The following NOD2 variants were observed in gnomAD, a reference collection of about 807,000 sequenced individuals.
NOD2 encodes the protein nucleotide binding oligomerization domain containing 2.
In NOD2, 86 loss-of-function variants were observed where a neutral mutation model predicts 90.9. The ratio of observed to expected loss-of-function variants is 0.95; its 90% CI spans 0.79 to 1.13. The LOEUF is 1.13. NOD2 is among the 50% of genes most tolerant of loss of function. The pLI is 0.00. For synonymous variants in NOD2, 581 were observed against 554.6 expected (o/e 1.05, Z -0.67); for missense variants, 1,238 against 1,283.8 (o/e 0.96, Z 0.55).
intron 3 of NOD2, among the ~76,000 whole-genome samples, chr16:50,708,191 T>C (rs1964289390): frequency 6.6e-6 from 1 of 152,206 alleles, no homozygotes; most frequent in African/African-American, 2.4e-5. Context: ...TCCCACACAG[T>C]ATACTGACAA....
At chr16:50,710,492 A>G in intron 3 of NOD2, 66 bp from the exon 4 acceptor site, 1 of 1,609,496 alleles carries the variant, frequency 6.2e-7, no homozygotes, top group Non-Finnish European at 8.5e-7. Flanking sequence ...GCAGCAGCCC[A>G]TTGTCTGGTT....
chr16:50,723,353 C>T lies in NOD2; in HGVS notation c.2770C>T (p.Leu924=). The part of the protein sequence containing the change: ...SVGAQALALM[L]AKNVMLEELC... ...GGGTGCCCAAGCCTTGGCACTGATG[C>T]TGGCAAAGAACGTCATGCTAGAAGA... The change falls in exon 9 of 12, where the codon CTG becomes TTG. Residue 924 remains leucine (L), a synonymous_variant. Coordinates refer to ENST00000647318, the MANE Select transcript of NOD2 (RefSeq NM_001370466.1). 3.2e-5 allele frequency: 51 copies of T among 1,613,908 alleles called. No individual in the cohort carries two copies. Among genetic ancestry groups the T allele is most frequent in the Non-Finnish European group, 4.2e-5 (50 of 1,179,922 alleles).
At chr16:50,720,923 G>A (rs1367954195) in intron 7 of NOD2, among the ~76,000 whole-genome samples, 1 of 152,160 alleles carries the variant, frequency 6.6e-6, no homozygotes, top group Non-Finnish European at 1.5e-5. Flanking sequence ...ACCTGCCTCA[G>A]CTTCTCAAGT....
intron 11 of NOD2, among the ~76,000 whole-genome samples, chr16:50,730,553 G>A (rs1015596953): frequency 6.6e-6 from 1 of 152,210 alleles, no homozygotes; most frequent in African/African-American, 2.4e-5. Context: ...TGTGCTGTAA[G>A]TGAATGCTAC....
Position 50,711,922 on chromosome 16 carries a change from C to A in NOD2, c.1930C>A (p.Leu644Ile). 1.2e-6 allele frequency: 2 copies of A among 1,611,032 alleles called. No individual in the cohort carries two copies. The highest frequency in any genetic ancestry group is 1.7e-6 in the Non-Finnish European group (2 of 1,177,914). Residue 644 changes from leucine to isoleucine, a missense_variant, in exon 4 of 12, where the codon CTT becomes ATT. Physicochemically the swap from Leu to Ile is conservative, Grantham distance 5. Around this residue, in one of 3 missense-constraint regions of NOD2, gnomAD observed 667 missense variants for 688.7 expected, o/e 0.97. Coordinates refer to ENST00000647318, the MANE Select transcript of NOD2 (RefSeq NM_001370466.1). ...ALLQKAEPHNLQITAAFLAGL... is the reference protein window; with the variant it reads ...ALLQKAEPHNIQITAAFLAGL... ...GCTGCAGAAGGCCGAGCCGCACAAC[C>A]TTCAGATCACAGCAGCCTTCCTGGC...
Position 50,712,115 on chromosome 16 carries a change from C to T in NOD2, c.2123C>T (p.Ala708Val), listed in dbSNP as rs139097081. 8 of 1,614,006 alleles carry T rather than the reference C, an allele frequency of 5.0e-6. No individual in the cohort carries two copies. Among genetic ancestry groups the T allele is most frequent in the Non-Finnish European group, 5.1e-6 (6 of 1,180,034 alleles). Reference sequence around the variant, plus strand: ...CCGGGTGAGGCCAAGAGCGTGCATGCCATGCCCGGGTTCATCTGGCTCATC... The same window carrying T: ...CCGGGTGAGGCCAAGAGCGTGCATGTCATGCCCGGGTTCATCTGGCTCATC... The part of the protein sequence containing the change: ...AAPGEAKSVH[A>V]MPGFIWLIRS... Residue 708 changes from alanine to valine, a missense_variant, in exon 4 of 12, where the codon GCC (alanine) becomes GTC (valine). Transcript: ENST00000647318.
chr16:50,726,974 C>G (rs1891614309), intron 10 of NOD2, among the ~76,000 whole-genome samples: 1 of 151,904 alleles, frequency 6.6e-6, no homozygotes, highest in South Asian at 2.1e-4. Context: ...AACCCCATCT[C>G]TACTAAAAAT....
intron 1 of NOD2, among the ~76,000 whole-genome samples, chr16:50,695,802 T>C (rs1308741580): frequency 2.0e-5 from 3 of 151,584 alleles, no homozygotes; most frequent in Non-Finnish European, 2.9e-5. Flanking sequence ...GGGCTGAGGA[T>C]TGAGCAATGG....
Position 50,711,345 on chromosome 16 carries a change from C to T in NOD2, c.1353C>T (p.Ala451=), listed in dbSNP as rs1396599908. The change falls in exon 4 of 12, where the codon GCC becomes GCT. Residue 451 remains alanine, a synonymous_variant. Transcript: ENST00000647318. ...TCCGCCTGCTCCAAGAGACCTCAGC[C>T]CTGCACGGTTTGTGCCACCTGCCTG... is the stretch of plus-strand genomic sequence containing the variant. The part of the protein sequence containing the change: ...RLIRLLQETS[A]LHGLCHLPVF... The T allele has an allele frequency of 6.2e-7, 1 of 1,613,652 alleles. No individual in the cohort carries two copies. Among genetic ancestry groups the T allele is most frequent in the Non-Finnish European group, 8.5e-7 (1 of 1,180,046 alleles).
Position 50,705,663 on chromosome 16 carries a change from G to A in NOD2, c.460-2192G>A, listed in dbSNP as rs562013240. Among the ~76,000 whole-genome samples the A allele has an allele frequency of 7.9e-5, 12 of 152,252 alleles. No homozygotes were observed. The South Asian group carries it at 8.3e-4, about 11-fold the overall frequency. ...TGTTTTAGTCATTTCCTTCAGTTCC[G>A]GAGGTCCCTCATGCTGATCATTCCA... On this transcript the variant is annotated intron_variant, in intron 2 of 11. Coordinates refer to ENST00000647318, the MANE Select transcript of NOD2 (RefSeq NM_001370466.1).
chr16:50,712,214 A>C lies in NOD2; in HGVS notation c.2222A>C (p.Lys741Thr). The C allele has an allele frequency of 6.2e-7, 1 of 1,613,946 alleles. No homozygotes were observed. ...CGTGGCCTGAATGTTGGGCACCTCA[A>C]GTTGACATTTTGCAGTGTGGGCCCC... ...AARGLNVGHL[K>T]LTFCSVGPTE... The change falls in exon 4 of 12, where the codon AAG becomes ACG. Residue 741 changes from lysine to threonine, a missense_variant. Lys to Thr is a moderately conservative substitution (Grantham distance 78). Around this residue, in one of 3 missense-constraint regions of NOD2, gnomAD observed 667 missense variants for 688.7 expected, o/e 0.97. Coordinates refer to ENST00000647318, the MANE Select transcript of NOD2 (RefSeq NM_001370466.1).
intron 10 of NOD2, 152 bp downstream of exon 10, chr16:50,725,724 A>G: frequency 1.4e-6 from 1 of 702,508 alleles, no homozygotes; most frequent in Non-Finnish European, 2.6e-6. Context: ...CAAGGATTCC[A>G]GTGCAAGTTG....
At chr16:50,704,770 G>A (rs1210618443) in intron 2 of NOD2, among the ~76,000 whole-genome samples, 3 of 152,018 alleles carry the variant, frequency 2.0e-5, no homozygotes, top group Admixed American at 6.6e-5. Context: ...TGCCTACTTC[G>A]GCCTCCCAAA....
At chr16:50,697,537 G>C (rs1418028245) in intron 1 of NOD2, 6 of 641,126 alleles carry the variant, frequency 9.4e-6, no homozygotes, top group Non-Finnish European at 1.7e-5. Flanking sequence ...CCACAGCTGA[G>C]AACCACTCCA....
At position 50,731,876 on chromosome 16, in the gene NOD2, C is replaced by A. The variant is rs1965470471; in HGVS notation, c.*57C>A. 3 of 1,348,496 alleles carry A rather than the reference C, an allele frequency of 2.2e-6. No individual in the cohort carries two copies. The South Asian group carries it at 3.5e-5, about 16-fold the overall frequency. The allele number at this position is 1,348,496 out of a possible 1,614,324, so 83.5% of individuals were successfully genotyped here. On this transcript the variant is annotated 3_prime_UTR_variant, in exon 12 of 12. Coordinates refer to ENST00000647318, the MANE Select transcript of NOD2 (RefSeq NM_001370466.1). ...TTGTGAGCAGGCTGTGAGTTTGGGC[C>A]CCAGAGGCTGGGTGACATGTGTTGG...
In NOD2 at chr16:50,711,792, A is replaced by G. The variant is rs1964526197; in HGVS notation, c.1800A>G (p.Arg600=). 1.9e-6 allele frequency: 3 copies of G among 1,614,222 alleles called. No homozygotes were observed. Among genetic ancestry groups the G allele is most frequent in the Non-Finnish European group, 2.5e-6 (3 of 1,180,034 alleles). The change falls in exon 4 of 12, where the codon AGA becomes AGG. Residue 600 remains arginine, a synonymous_variant. Transcript: ENST00000647318. ...CTGATGTGCCACCAGCTTTGCTCAG[A>G]CACCTCTTCAATTGTGGCAGGCCAG... The part of the protein sequence containing the change: ...LSADVPPALL[R]HLFNCGRPGN...
At chr16:50,721,025 G>T (rs1965031293) in intron 7 of NOD2, among the ~76,000 whole-genome samples, 1 of 151,652 alleles carries the variant, frequency 6.6e-6, no homozygotes. Flanking sequence ...GGCTGGTCTT[G>T]AACTCCTGAT....
intron 8 of NOD2, 24 bp downstream of exon 8, chr16:50,722,729 A>G (rs376630259): frequency 1.7e-5 from 28 of 1,610,282 alleles, no homozygotes; most frequent in Non-Finnish European, 2.3e-5. Flanking sequence ...TCTATCCTGC[A>G]GTTTTCTTGG....
At chr16:50,697,391 A>G in intron 1 of NOD2, 1 of 1,355,660 alleles carries the variant, frequency 7.4e-7, no homozygotes, top group East Asian at 2.5e-5. Context: ...ACATGCTCCC[A>G]GGCCTGGGGT....
Sources: gnomAD v4.1 joint callset for allele counts (sites outside exome capture counted in the v4.1 genomes callset) on GRCh38, gnomAD v4.1.1 for gene constraint, gnomAD v4.1.1 regional missense constraint, MANE v1.5 for transcripts, NCBI Gene and HGNC (gene_info 2026-07-23, HGNC 2026-07-21) for gene names.